The following NRXN3 variants were observed in gnomAD, a reference collection of about 807,000 sequenced individuals.
NRXN3 encodes the protein neurexin 3.
A neutral mutation model predicts 137.6 loss-of-function variants in NRXN3; 32 were observed. The ratio of observed to expected loss-of-function variants is 0.23; its 90% confidence interval spans 0.18 to 0.31. NRXN3 has a LOEUF of 0.31. Among genes scored for constraint, NRXN3 ranks in the 10% least tolerant of loss-of-function variants. NRXN3 has a pLI of 1.00. For synonymous variants in NRXN3, 798 were observed against 784.5 expected, an observed-to-expected ratio of 1.02 and a Z score of -0.29; for missense variants, 1,574 against 2,062.5, an observed-to-expected ratio of 0.76 and a Z score of 4.59.
At chr14:78,989,272 A>G (rs1252537736) in intron 15 of NRXN3, among the ~76,000 whole-genome samples, 1 of 152,154 alleles carries the variant, frequency 6.6e-6, no homozygotes, top group African/African-American at 2.4e-5. Flanking sequence ...TTACAATGCT[A>G]TGCCCCCCAG....
chr14:78,508,439 G>A (rs1443773396), intron 4 of NRXN3, among the ~76,000 whole-genome samples: 1 of 152,106 alleles, frequency 6.6e-6, no homozygotes, highest in Admixed American at 6.6e-5. Flanking sequence ...CTTTCCTGGT[G>A]AGATGGGTTT....
At chr14:78,536,506 A>G (rs1489186492) in intron 4 of NRXN3, among the ~76,000 whole-genome samples, 1 of 152,196 alleles carries the variant, frequency 6.6e-6, no homozygotes, top group Non-Finnish European at 1.5e-5. Flanking sequence ...CAGGATTTGT[A>G]TTATATTGTA....
intron 8 of NRXN3, among the ~76,000 whole-genome samples, chr14:78,737,318 G>C (rs558523885): frequency 2.6e-5 from 4 of 152,276 alleles, no homozygotes; most frequent in African/African-American, 9.6e-5. Context: ...AAAGGTACCA[G>C]TAGGGGTCCA....
rs117391181 is a variant in NRXN3 at position 79,844,439 on chromosome 14, C to T, written c.4094-16903C>T. On this transcript the variant is annotated intron_variant, in intron 20 of 20. Coordinates refer to ENST00000335750, the MANE Select transcript of NRXN3 (RefSeq NM_001330195.2). ...CTATGGCAGCTATTGCCTTACAAAA[C>T]GTGTTTCTTAAGTAAGATGTTAAAG... Among the ~76,000 whole-genome samples, 336 of 151,730 alleles carry T rather than the reference C, an allele frequency of 2.2e-3. 13 individuals carry two copies. The East Asian group carries it at 0.045, about 20-fold the overall frequency.
intron 15 of NRXN3, among the ~76,000 whole-genome samples, chr14:78,999,946 T>C (rs925646626): frequency 6.6e-6 from 1 of 152,208 alleles, no homozygotes; most frequent in African/African-American, 2.4e-5. Context: ...CACAGTTTTA[T>C]GTTGACCAAA....
chr14:79,653,088 C>A (rs1401354758), intron 16 of NRXN3, among the ~76,000 whole-genome samples: 1 of 151,964 alleles, frequency 6.6e-6, no homozygotes, highest in Non-Finnish European at 1.5e-5. Context: ...ACAGGCACTG[C>A]TGATATATTA....
chr14:79,706,042 G>A (rs1232565855), intron 19 of NRXN3, among the ~76,000 whole-genome samples: 1 of 152,154 alleles, frequency 6.6e-6, no homozygotes. Context: ...AATATTTACA[G>A]GCTGAATCCA....
chr14:78,177,329 G>C (rs542502239), intron 1 of NRXN3, among the ~76,000 whole-genome samples: 26 of 152,242 alleles, frequency 1.7e-4, no homozygotes, highest in African/African-American at 6.3e-4. Flanking sequence ...GGTTGGTCTT[G>C]ACCTTGAATG....
intron 19 of NRXN3, among the ~76,000 whole-genome samples, chr14:79,744,634 T>C (rs531677566): frequency 1.3e-5 from 2 of 152,316 alleles, no homozygotes; most frequent in East Asian, 3.9e-4. Flanking sequence ...AACAATGGAA[T>C]TGCAAAGTTC....
chr14:79,524,177 T>C (rs975386925), intron 16 of NRXN3, among the ~76,000 whole-genome samples: 8 of 152,176 alleles, frequency 5.3e-5, no homozygotes, highest in East Asian at 3.9e-4. Flanking sequence ...ATGTTTCCAG[T>C]GGACCTTGGC....
At chr14:79,159,471 G>A (rs2060556447) in intron 15 of NRXN3, among the ~76,000 whole-genome samples, 1 of 151,776 alleles carries the variant, frequency 6.6e-6, no homozygotes, top group Non-Finnish European at 1.5e-5. Context: ...GGTGTCTATG[G>A]CGTTGGCTAT....
chr14:78,486,801 A>G (rs942807255), intron 4 of NRXN3, among the ~76,000 whole-genome samples: 1 of 152,120 alleles, frequency 6.6e-6, no homozygotes, highest in Non-Finnish European at 1.5e-5. Flanking sequence ...CACTGGCATT[A>G]ATGATTTATT....
chr14:79,138,634 A>G (rs895155226), intron 15 of NRXN3, among the ~76,000 whole-genome samples: 4 of 152,214 alleles, frequency 2.6e-5, no homozygotes, highest in Non-Finnish European at 2.9e-5. Flanking sequence ...AAATTATCAG[A>G]CAAAATTATT....
At chr14:78,277,700 G>T (rs2153499017) in intron 2 of NRXN3, among the ~76,000 whole-genome samples, 1 of 152,260 alleles carries the variant, frequency 6.6e-6, no homozygotes, top group African/African-American at 2.4e-5. Context: ...CTCAGGTTGG[G>T]TCTAGGGGTT....
At chr14:79,238,680 A>G (rs1489898352) in intron 15 of NRXN3, among the ~76,000 whole-genome samples, 1 of 152,134 alleles carries the variant, frequency 6.6e-6, no homozygotes, top group East Asian at 1.9e-4. Flanking sequence ...TAGGTCAAGA[A>G]TCTGCATTTT....
chr14:79,479,748 G>A lies in NRXN3; in HGVS notation c.3444+12346G>A, dbSNP rs564233075. On this transcript the variant is annotated intron_variant, in intron 16 of 20. Coordinates refer to ENST00000335750, the MANE Select transcript of NRXN3 (RefSeq NM_001330195.2). ...CCCAGTATTTGTTTTTCTCAATGAC[G>A]TTAAGGCACCTAATTACCCCCAAGC... Among the ~76,000 whole-genome samples the A allele has an allele frequency of 8.5e-5, 13 of 152,056 alleles. No individual in the cohort carries two copies. In the South Asian group the frequency reaches 1.5e-3, roughly 17 times the overall value.
At chr14:78,751,001 CGG>C (rs1316122167) in intron 8 of NRXN3, among the ~76,000 whole-genome samples, 1 of 152,096 alleles carries the variant, frequency 6.6e-6, no homozygotes, top group Non-Finnish European at 1.5e-5. Context: ...CCTACCAAAG[CGG>C]GGAGGCCGTT....
chr14:78,416,709 G>A (rs2093160218), intron 4 of NRXN3, among the ~76,000 whole-genome samples: 6 of 152,180 alleles, frequency 3.9e-5, no homozygotes, highest in Admixed American at 3.9e-4. Flanking sequence ...ACACTCACTT[G>A]GAGGCACATG....
At chr14:79,463,607 G>A (rs768273680) in intron 15 of NRXN3, among the ~76,000 whole-genome samples, 2 of 152,136 alleles carry the variant, frequency 1.3e-5, no homozygotes, top group African/African-American at 2.4e-5. Flanking sequence ...AGCAACCTCA[G>A]CTGCTTGCAA....
Sources: gnomAD v4.1 joint callset for allele counts (sites outside exome capture counted in the v4.1 genomes callset) on GRCh38, gnomAD v4.1.1 for gene constraint, MANE v1.5 for transcripts, NCBI Gene and HGNC (gene_info 2026-07-23, HGNC 2026-07-21) for gene names.